Variants in JAM2 observed in about 807,000 individuals in gnomAD.
JAM2 encodes junctional adhesion molecule 2.
Under a neutral mutation model 42.0 loss-of-function variants are expected in JAM2, and 17 were observed. The observed-to-expected ratio is 0.40, with a 90% CI of 0.28 to 0.61. The LOEUF is 0.61. JAM2 is among the 20% of genes least tolerant of loss of function. The probability of loss-of-function intolerance (pLI) is 0.37; values close to 1 mark genes in which losing one functional copy is unlikely to be tolerated. For synonymous variants in JAM2, 118 were observed against 128.6 expected, an observed-to-expected ratio of 0.92 and a Z score of 0.56; for missense variants, 319 against 358.3, an observed-to-expected ratio of 0.89 and a Z score of 0.89.
intron 8 of JAM2, 42 bp from the exon 9 acceptor site, chr21:25,712,298 G>A (rs767468189): frequency 6.8e-6 from 9 of 1,330,342 alleles, no homozygotes; most frequent in Non-Finnish European, 9.7e-6. Context: ...CAGATTGGAA[G>A]TGATAATGTA....
At chr21:25,680,951 T>C (rs1334685258) in intron 1 of JAM2, among the ~76,000 whole-genome samples, 1 of 152,038 alleles carries the variant, frequency 6.6e-6, no homozygotes, top group Non-Finnish European at 1.5e-5. Flanking sequence ...TCACATGTCA[T>C]AGAGAGGTCA....
intron 1 of JAM2, among the ~76,000 whole-genome samples, chr21:25,648,969 A>G (rs922634912): frequency 2.2e-4 from 34 of 152,254 alleles, no homozygotes; most frequent in African/African-American, 8.0e-4. Context: ...AAATGAATGC[A>G]TAATATTACT....
intron 4 of JAM2, among the ~76,000 whole-genome samples, chr21:25,696,642 G>C (rs1385565820): frequency 6.6e-6 from 1 of 152,138 alleles, no homozygotes; most frequent in Non-Finnish European, 1.5e-5. Context: ...TGAAATAAAG[G>C]TGTTGACAAG....
chr21:25,646,287 T>C (rs1244456487), intron 1 of JAM2, among the ~76,000 whole-genome samples: 1 of 152,218 alleles, frequency 6.6e-6, no homozygotes, highest in East Asian at 1.9e-4. Flanking sequence ...CTCTTTGGTT[T>C]TTAAGGAAAA....
chr21:25,649,058 T>C (rs1038478282), intron 1 of JAM2, among the ~76,000 whole-genome samples: 11 of 152,354 alleles, frequency 7.2e-5, no homozygotes, highest in Non-Finnish European at 1.6e-4. Context: ...GTCTGCCTTA[T>C]AGGATTTTAA....
chr21:25,708,412 T>TA (rs2034314510), intron 7 of JAM2, among the ~76,000 whole-genome samples: 1 of 151,660 alleles, frequency 6.6e-6, no homozygotes, highest in African/African-American at 2.4e-5. Flanking sequence ...TTACAAAAAA[T>TA]AAAAAATAAG....
At chr21:25,700,400 G>A (rs1394616721) in intron 5 of JAM2, among the ~76,000 whole-genome samples, 3 of 151,764 alleles carry the variant, frequency 2.0e-5, no homozygotes, top group Non-Finnish European at 4.4e-5. Context: ...TTGCTCTATT[G>A]CCCCGGCTGG....
At position 25,714,364 on chromosome 21, in the gene JAM2, C is replaced by T. The variant is rs150373123; in HGVS notation, c.865-276C>T. 2.1e-3 allele frequency: 993 copies of T among 465,718 alleles called. 2 individuals are homozygous for T. Among genetic ancestry groups the T allele is most frequent in the African/African-American group, 0.017 (829 of 48,218 alleles). 28.8% of individuals were successfully genotyped at this position (465,718 alleles called of 1,614,324 possible). A position where few individuals can be genotyped will look rare whatever the true frequency, so the allele number is the denominator to read the frequency against. ...TACTAAAATACAAAAATTAGCTGGG[C>T]ATGGTGGCATGTGCCTGCAGTTCCA... On this transcript the variant is annotated intron_variant, in intron 9 of 9. Transcript: ENST00000480456.
At chr21:25,676,395 T>G in intron 1 of JAM2, among the ~76,000 whole-genome samples, 1 of 152,040 alleles carries the variant, frequency 6.6e-6, no homozygotes, top group Admixed American at 6.6e-5. Context: ...AATAACACCT[T>G]TATAGTAATT....
chr21:25,664,987 A>C (rs1230160941), intron 1 of JAM2, among the ~76,000 whole-genome samples: 1 of 152,248 alleles, frequency 6.6e-6, no homozygotes. Context: ...TAGCCACAAA[A>C]TGTGACAAAT....
intron 1 of JAM2, among the ~76,000 whole-genome samples, chr21:25,649,609 T>G (rs2032715491): frequency 6.6e-6 from 1 of 152,148 alleles, no homozygotes; most frequent in African/African-American, 2.4e-5. Flanking sequence ...TTGTAAAAGT[T>G]CTACTCTCTG....
intron 3 of JAM2, among the ~76,000 whole-genome samples, chr21:25,692,023 T>A (rs1288746827): frequency 5.7e-5 from 6 of 104,396 alleles, no homozygotes; most frequent in African/African-American, 1.8e-4. Context: ...AAAAAAAAAA[T>A]TTACATACAT....
At chr21:25,662,972 T>C (rs1207545027) in intron 1 of JAM2, among the ~76,000 whole-genome samples, 1 of 152,232 alleles carries the variant, frequency 6.6e-6, no homozygotes, top group East Asian at 1.9e-4. Context: ...AAAAGTACTA[T>C]GTCAGATAGA....
chr21:25,685,681 C>T lies in JAM2; in HGVS notation c.133+1733C>T, dbSNP rs16997458. 5.6e-3 allele frequency among the ~76,000 whole-genome samples: 849 copies of T among 151,956 alleles called. 2 individuals are homozygous for T. The highest frequency in any genetic ancestry group is 0.018 in the African/African-American group (728 of 41,420). ...CACTCTGGTATGAGTTAGTTTTAAACGGAGAGAGGTGGGAAGAGGAAATTA... is the reference window on the plus strand; with the variant it reads ...CACTCTGGTATGAGTTAGTTTTAAATGGAGAGAGGTGGGAAGAGGAAATTA... On this transcript the variant is annotated intron_variant, in intron 2 of 9. Transcript: ENST00000480456.
intron 4 of JAM2, among the ~76,000 whole-genome samples, chr21:25,696,601 G>T (rs2034041442): frequency 6.6e-6 from 1 of 152,200 alleles, no homozygotes; most frequent in Non-Finnish European, 1.5e-5. Flanking sequence ...CCAACAAGAA[G>T]ACTGGGTATC....
Position 25,675,549 on chromosome 21 carries a change from GGGGAAGGAAGGAAGGAAGGA to G in JAM2, c.68-8313_68-8294del, listed in dbSNP as rs965866560. Among the ~76,000 whole-genome samples the G allele has an allele frequency of 7.5e-4, 112 of 148,422 alleles. 1 individual carries two copies. The highest frequency in any genetic ancestry group is 4.3e-3 in the South Asian group (20 of 4,620). On this transcript the variant is annotated intron_variant, in intron 1 of 9. Transcript: ENST00000480456. ...GAGAAAGAGAGAGAGAGAGGAAGGA[GGGGAAGGAAGGAAGGAAGGA>G]GGGAAGGAAGGAAGGAAGGAAGGAA... is the stretch of plus-strand genomic sequence containing the variant.
chr21:25,646,141 A>G (rs149654232), intron 1 of JAM2, among the ~76,000 whole-genome samples: 90 of 152,344 alleles, frequency 5.9e-4, no homozygotes, highest in African/African-American at 2.0e-3. Context: ...TCACTAGATG[A>G]TAAGAATTTT....
intron 1 of JAM2, among the ~76,000 whole-genome samples, chr21:25,642,968 A>T (rs968497141): frequency 5.3e-5 from 8 of 152,238 alleles, no homozygotes; most frequent in Non-Finnish European, 8.8e-5. Context: ...GAGCCTTCTC[A>T]GGGTGACCTC....
At chr21:25,641,656 G>A (rs1173495939) in intron 1 of JAM2, among the ~76,000 whole-genome samples, 2 of 151,882 alleles carry the variant, frequency 1.3e-5, no homozygotes, top group East Asian at 1.9e-4. Flanking sequence ...AAATTCCAAC[G>A]CTAGTATAGA....
Sources: allele counts gnomAD v4.1 joint callset (sites outside exome capture counted in the v4.1 genomes callset), GRCh38; gene constraint gnomAD v4.1.1; transcripts MANE v1.5; gene names NCBI Gene and HGNC (gene_info 2026-07-23, HGNC 2026-07-21).